METTL25: variants seen among roughly 807,000 people sequenced by gnomAD.
METTL25 encodes methyltransferase like 25.
Under a neutral mutation model 71.6 loss-of-function variants are expected in METTL25, and 64 were observed. That is an observed-to-expected ratio of 0.89 (90% CI 0.73 to 1.10). The LOEUF is 1.10. Ranked by LOEUF, METTL25 falls within the 50% of genes least tolerant of loss-of-function variation. The probability of loss-of-function intolerance (pLI) is 0.00; values close to 1 mark genes in which losing one functional copy is unlikely to be tolerated. For synonymous variants in METTL25, 287 were observed against 250.3 expected, an observed-to-expected ratio of 1.15 and a Z score of -1.38; for missense variants, 807 against 707.0, an observed-to-expected ratio of 1.14 and a Z score of -1.60.
rs1892938223 is a variant in METTL25, at chr12:82,477,406, A to G, written c.1719+54A>G. 9 of 906,338 alleles carry G rather than the reference A, an allele frequency of 9.9e-6. No individual in the cohort carries two copies. The East Asian group carries it at 2.3e-4, about 23-fold the overall frequency. 56.1% of individuals were successfully genotyped at this position (906,338 alleles called of 1,614,324 possible). On this transcript the variant is annotated intron_variant, in intron 11 of 11. Coordinates refer to ENST00000248306, the MANE Select transcript of METTL25 (RefSeq NM_032230.3). ...CAAATATCTTATTAAATACAGTAAT[A>G]TAGAGCCACTTATATCTAGGATAAG...
chr12:82,447,074 A>G (rs781589327), intron 8 of METTL25, among the ~76,000 whole-genome samples: 1 of 152,016 alleles, frequency 6.6e-6, no homozygotes, highest in Non-Finnish European at 1.5e-5. Flanking sequence ...AGAAAAGCAA[A>G]AACCAAATCC....
intron 1 of METTL25, 158 bp downstream of exon 1, chr12:82,358,982 T>C: frequency 1.5e-6 from 1 of 681,702 alleles, no homozygotes; most frequent in South Asian, 1.8e-5. Context: ...AGTTGAGGGG[T>C]GGGGTGGGGA....
chr12:82,418,400 T>C (rs1293518198), intron 5 of METTL25, among the ~76,000 whole-genome samples: 2 of 152,138 alleles, frequency 1.3e-5, no homozygotes, highest in Non-Finnish European at 2.9e-5. Flanking sequence ...CATAAAATTA[T>C]AATATATACT....
intron 3 of METTL25, among the ~76,000 whole-genome samples, chr12:82,394,512 A>G (rs907197740): frequency 2.0e-5 from 3 of 152,012 alleles, no homozygotes; most frequent in African/African-American, 7.2e-5. Context: ...TCTCTAAAAC[A>G]TGTTCACTCA....
intron 6 of METTL25, 118 bp downstream of exon 6, chr12:82,431,105 T>G: frequency 3.9e-6 from 2 of 513,460 alleles, no homozygotes; most frequent in Non-Finnish European, 7.0e-6. Context: ...TTAATGCTTT[T>G]GTGCATTGGA....
At chr12:82,373,102 T>C (rs1339392305) in intron 1 of METTL25, among the ~76,000 whole-genome samples, 1 of 152,146 alleles carries the variant, frequency 6.6e-6, no homozygotes, top group East Asian at 1.9e-4. Flanking sequence ...CCCTTACTGA[T>C]GCATTATCGA....
At chr12:82,373,117 C>G (rs1184504615) in intron 1 of METTL25, among the ~76,000 whole-genome samples, 1 of 152,102 alleles carries the variant, frequency 6.6e-6, no homozygotes, top group Admixed American at 6.5e-5. Flanking sequence ...TATCGAAAAC[C>G]TGTTAGAGTC....
At chr12:82,381,700 CG>C (rs1175808613) in intron 1 of METTL25, among the ~76,000 whole-genome samples, 2 of 152,168 alleles carry the variant, frequency 1.3e-5, no homozygotes, top group African/African-American at 4.8e-5. Flanking sequence ...CTTTAGCTTT[CG>C]GTTAAGCTGT....
intron 1 of METTL25, among the ~76,000 whole-genome samples, chr12:82,381,898 A>G (rs148475071): frequency 6.6e-6 from 1 of 152,342 alleles, no homozygotes; most frequent in East Asian, 1.9e-4. Flanking sequence ...CTATGAAGCT[A>G]TGGCAGTAGT....
chr12:82,451,260 T>A (rs771507049), intron 8 of METTL25: 4 of 972,430 alleles, frequency 4.1e-6, no homozygotes, highest in Non-Finnish European at 4.9e-6. Context: ...CTTAAGTGCG[T>A]ATTTATATTT....
chr12:82,390,730 G>C (rs1384416631), intron 3 of METTL25, among the ~76,000 whole-genome samples: 1 of 152,016 alleles, frequency 6.6e-6, no homozygotes, highest in Non-Finnish European at 1.5e-5. Context: ...TAGAGTAAGA[G>C]CTAAGGTAAT....
intron 2 of METTL25, 59 bp downstream of exon 2, chr12:82,387,026 T>C (rs1885104170): frequency 7.4e-7 from 1 of 1,359,968 alleles, no homozygotes; most frequent in Non-Finnish European, 1.0e-6. Flanking sequence ...CAATACTTTG[T>C]TCATATATGT....
chr12:82,360,628 G>A (rs919342640), intron 1 of METTL25, among the ~76,000 whole-genome samples: 3 of 152,124 alleles, frequency 2.0e-5, no homozygotes, highest in Admixed American at 6.5e-5. Context: ...TGGAGGGAAA[G>A]CAGTCCATTT....
intron 5 of METTL25, among the ~76,000 whole-genome samples, chr12:82,415,448 T>A (rs1185742117): frequency 6.6e-6 from 1 of 152,020 alleles, no homozygotes; most frequent in African/African-American, 2.4e-5. Context: ...TTAGGCAGGG[T>A]GATCATACAC....
chr12:82,443,696 A>G (rs1285246187), intron 8 of METTL25, among the ~76,000 whole-genome samples: 1 of 152,156 alleles, frequency 6.6e-6, no homozygotes, highest in Non-Finnish European at 1.5e-5. Flanking sequence ...GCTTTCATTC[A>G]TGACAGAAGG....
At chr12:82,360,458 T>G (rs1881696873) in intron 1 of METTL25, among the ~76,000 whole-genome samples, 1 of 151,666 alleles carries the variant, frequency 6.6e-6, no homozygotes, top group Non-Finnish European at 1.5e-5. Flanking sequence ...TTGAAACTTT[T>G]TTAGTGCTGT....
intron 9 of METTL25, among the ~76,000 whole-genome samples, chr12:82,465,255 T>C (rs551284357): frequency 2.3e-4 from 35 of 151,966 alleles, no homozygotes; most frequent in Non-Finnish European, 4.4e-4. Flanking sequence ...ATATATGGCC[T>C]TTATTATGTT....
chr12:82,479,181 AT>A lies in METTL25; in HGVS notation c.*162del. 2 of 536,094 alleles carry A rather than the reference AT, an allele frequency of 3.7e-6. No individual in the cohort carries two copies. The highest frequency in any genetic ancestry group is 1.9e-5 in the African/African-American group (1 of 53,042). 33.2% of individuals were successfully genotyped at this position (536,094 alleles called of 1,614,324 possible). ...GGCTAACAACAGAAGGTTATAATCCATTTTTCCATTGTCAAAGCATACATTA... is the reference window on the plus strand; with the variant it reads ...GGCTAACAACAGAAGGTTATAATCCATTTTCCATTGTCAAAGCATACATTA... On this transcript the variant is annotated 3_prime_UTR_variant, in exon 12 of 12. Coordinates refer to ENST00000248306, the MANE Select transcript of METTL25 (RefSeq NM_032230.3).
At chr12:82,373,020 A>G (rs752910782) in intron 1 of METTL25, among the ~76,000 whole-genome samples, 8 of 152,166 alleles carry the variant, frequency 5.3e-5, no homozygotes, top group Non-Finnish European at 1.2e-4. Flanking sequence ...TTACCGACGC[A>G]TTCTCGAAAA....
Sources: allele counts gnomAD v4.1 joint callset (sites outside exome capture counted in the v4.1 genomes callset), GRCh38; gene constraint gnomAD v4.1.1; transcripts MANE v1.5; gene names NCBI Gene and HGNC (gene_info 2026-07-23, HGNC 2026-07-21).